Variants in TUSC3 observed in about 807,000 individuals in gnomAD.
The protein encoded by TUSC3 is tumor suppressor candidate 3.
In TUSC3, 45 loss-of-function variants were observed where a neutral mutation model predicts 44.8. The observed-to-expected ratio is 1.00, with a 90% CI of 0.79 to 1.29. The LOEUF (loss-of-function observed/expected upper bound fraction) is 1.29, where lower values mean the gene tolerates loss of function less well. Ranked by LOEUF, TUSC3 falls within the 50% of genes most tolerant of loss-of-function variation. The probability of loss-of-function intolerance (pLI) is 0.00; values close to 1 mark genes in which losing one functional copy is unlikely to be tolerated. For missense variants in TUSC3, 519 were observed against 437.9 expected (o/e 1.19, Z -1.65); for synonymous variants, 212 against 152.9 (o/e 1.39, Z -2.85).
rs1423390069 is a variant in TUSC3 at position 15,690,623 on chromosome 8, T to C, written c.798+16787T>C. On this transcript the variant is annotated intron_variant, in intron 6 of 10. Transcript: ENST00000503731. Reference sequence around the variant, plus strand: ...TTCCTGTGTTATCTTCTAGGAGTTTTATCGTTTTGTTTTTACATTTAAGTA... The same window carrying C: ...TTCCTGTGTTATCTTCTAGGAGTTTCATCGTTTTGTTTTTACATTTAAGTA... 3.3e-5 allele frequency among the ~76,000 whole-genome samples: 5 copies of C among 152,178 alleles called. No homozygotes were observed. The East Asian group carries it at 9.6e-4, about 29-fold the overall frequency.
chr8:15,791,492 A>T, the TUSC3 span, among the ~76,000 whole-genome samples: 2 of 152,122 alleles, frequency 1.3e-5, no homozygotes, highest in Non-Finnish European at 2.9e-5. Context: ...ATTAGAAATC[A>T]TCTAATCCAG....
At chr8:15,780,659 G>T in the TUSC3 span, among the ~76,000 whole-genome samples, 32 of 152,246 alleles carry the variant, frequency 2.1e-4, 1 homozygote, top group Admixed American at 1.8e-3. Flanking sequence ...CCAGCAGCCC[G>T]AGTAGGACCT....
chr8:15,585,747 G>A (rs1295727068), intron 1 of TUSC3, among the ~76,000 whole-genome samples: 1 of 152,176 alleles, frequency 6.6e-6, no homozygotes, highest in Non-Finnish European at 1.5e-5. Flanking sequence ...CTGTTCGACT[G>A]TCGGAATGTC....
intron 6 of TUSC3, among the ~76,000 whole-genome samples, chr8:15,729,983 CCA>C (rs1198664013): frequency 6.6e-6 from 1 of 150,964 alleles, no homozygotes; most frequent in Admixed American, 6.6e-5. Flanking sequence ...TTTTTTTTCT[CCA>C]GTTTTTTTAT....
intron 8 of TUSC3, among the ~76,000 whole-genome samples, chr8:15,746,807 ATAGAG>A (rs908233914): frequency 3.9e-5 from 6 of 152,160 alleles, no homozygotes; most frequent in African/African-American, 1.4e-4. Context: ...TTTGGGAAGT[ATAGAG>A]TAAATAATTT....
intron 1 of TUSC3, among the ~76,000 whole-genome samples, chr8:15,612,955 C>T (rs1804824241): frequency 6.6e-6 from 1 of 151,754 alleles, no homozygotes; most frequent in Non-Finnish European, 1.5e-5. Context: ...AGTTAATGTT[C>T]ACAGAAACAA....
At chr8:15,842,516 T>G in the TUSC3 span, among the ~76,000 whole-genome samples, 1 of 152,190 alleles carries the variant, frequency 6.6e-6, no homozygotes, top group Non-Finnish European at 1.5e-5. Flanking sequence ...GATTACTTAT[T>G]GCTGATCTTA....
intron 1 of TUSC3, among the ~76,000 whole-genome samples, chr8:15,590,484 C>A (rs999707998): frequency 2.0e-5 from 3 of 152,056 alleles, no homozygotes; most frequent in Non-Finnish European, 4.4e-5. Flanking sequence ...AAAATAAATT[C>A]TTTCTTGCCA....
intron 1 of TUSC3, among the ~76,000 whole-genome samples, chr8:15,457,816 G>C (rs996238502): frequency 1.0e-4 from 6 of 57,780 alleles, no homozygotes; most frequent in African/African-American, 3.8e-4. Flanking sequence ...TAATTTATTA[G>C]ATAATTAATT....
intron 10 of TUSC3, chr8:15,758,245 T>C (rs987123719): frequency 1.9e-4 from 188 of 988,968 alleles, no homozygotes; most frequent in African/African-American, 1.3e-3. Context: ...AGCCTTAATA[T>C]TCAAGGGTAA....
the TUSC3 span, among the ~76,000 whole-genome samples, chr8:15,838,709 G>C: frequency 6.6e-6 from 1 of 152,040 alleles, no homozygotes; most frequent in Non-Finnish European, 1.5e-5. Context: ...CTGTTCCATT[G>C]GTCTATATCT....
chr8:15,496,370 T>C (rs759957310), intron 2 of TUSC3, among the ~76,000 whole-genome samples: 4 of 152,218 alleles, frequency 2.6e-5, no homozygotes, highest in Non-Finnish European at 5.9e-5. Context: ...AACTGTGAAT[T>C]TGTGCTGTCT....
intron 1 of TUSC3, among the ~76,000 whole-genome samples, chr8:15,462,364 T>G (rs1440287461): frequency 6.6e-6 from 1 of 152,042 alleles, no homozygotes; most frequent in African/African-American, 2.4e-5. Flanking sequence ...TGAAAAGACA[T>G]TTCTCCAAAG....
At chr8:15,836,778 T>G in the TUSC3 span, among the ~76,000 whole-genome samples, 1 of 152,134 alleles carries the variant, frequency 6.6e-6, no homozygotes, top group Non-Finnish European at 1.5e-5. Flanking sequence ...TCACTTAATT[T>G]CTAACTTTAA....
intron 2 of TUSC3, among the ~76,000 whole-genome samples, chr8:15,641,952 G>T (rs138860053): frequency 4.6e-5 from 7 of 152,296 alleles, no homozygotes; most frequent in African/African-American, 1.7e-4. Context: ...TGTGGTGGTG[G>T]TAACATGAAT....
intron 3 of TUSC3, among the ~76,000 whole-genome samples, chr8:15,657,163 C>A (rs1052495691): frequency 6.6e-5 from 10 of 152,176 alleles, no homozygotes; most frequent in African/African-American, 2.4e-4. Context: ...ATAAATAGTC[C>A]TTAGGCCACA....
chr8:15,820,041 G>T, the TUSC3 span, among the ~76,000 whole-genome samples: 4 of 152,060 alleles, frequency 2.6e-5, no homozygotes, highest in African/African-American at 4.8e-5. Context: ...ACTGTTCCTA[G>T]TTTGCTGAGA....
intron 2 of TUSC3, among the ~76,000 whole-genome samples, chr8:15,628,812 G>T (rs1481800806): frequency 6.6e-6 from 1 of 152,214 alleles, no homozygotes; most frequent in East Asian, 1.9e-4. Context: ...CAATTTAGTA[G>T]CAAGAACCAT....
At chr8:15,442,273 A>C (rs1800030713) in intron 1 of TUSC3, among the ~76,000 whole-genome samples, 1 of 152,084 alleles carries the variant, frequency 6.6e-6, no homozygotes, top group Admixed American at 6.6e-5. Flanking sequence ...TTTAAGTTAC[A>C]TTATTTCTCT....
Sources: allele counts gnomAD v4.1 joint callset (sites outside exome capture counted in the v4.1 genomes callset), GRCh38; gene constraint gnomAD v4.1.1; transcripts MANE v1.5; gene names NCBI Gene and HGNC (gene_info 2026-07-23, HGNC 2026-07-21).